Variants in COL12A1 observed in about 807,000 individuals in gnomAD.
COL12A1 encodes the protein collagen type XII alpha 1 chain, also known as collagen alpha-1(XII) chain.
Under a neutral mutation model 349.7 loss-of-function variants are expected in COL12A1, and 114 were observed. The ratio of observed to expected loss-of-function variants is 0.33; its 90% CI spans 0.28 to 0.38. COL12A1 has a LOEUF of 0.38. COL12A1 is among the 10% of genes least tolerant of loss of function. The pLI is 1.00. For missense variants in COL12A1, 3,284 were observed against 3,756.9 expected (o/e 0.87, Z 3.29); for synonymous variants, 1,369 against 1,329.0 (o/e 1.03, Z -0.66).
At chr6:75,086,854 T>C (rs554931955) in intron 65 of COL12A1, among the ~76,000 whole-genome samples, 2 of 152,054 alleles carry the variant, frequency 1.3e-5, no homozygotes, top group African/African-American at 2.4e-5. Context: ...GATATTCAAC[T>C]ACTCATGCAC....
chr6:75,088,532 GA>G (rs1172041101), intron 64 of COL12A1, among the ~76,000 whole-genome samples: 1 of 151,252 alleles, frequency 6.6e-6, no homozygotes, highest in African/African-American at 2.4e-5. Context: ...ACAGAAAGGG[GA>G]AATAGTAACC....
chr6:75,183,121 C>T lies in COL12A1; in HGVS notation c.1820G>A (p.Arg607Lys). 1.2e-6 allele frequency: 2 copies of T among 1,614,100 alleles called. No homozygotes were observed. The highest frequency in any genetic ancestry group is 1.7e-6 in the Non-Finnish European group (2 of 1,180,036). The change falls in exon 10 of 66, where the codon AGG (arginine) becomes AAG (lysine). Residue 607 changes from arginine (R) to lysine (K), a missense_variant. Arg to Lys is a conservative substitution (Grantham distance 26, BLOSUM62 2). Transcript: ENST00000322507. ...AGACTGTGTGAGTTCAAAAGATATC[C>T]TCTGAAAAGCATCAAAATCTTCCAC... ...FTVEDFDAFQ[R>K]ISFELTQSIC...
In COL12A1 at chr6:75,086,502, T is replaced by G; in HGVS notation, c.*45A>C. On this transcript the variant is annotated 3_prime_UTR_variant, in exon 66 of 66. Coordinates refer to ENST00000322507, the MANE Select transcript of COL12A1 (RefSeq NM_004370.6). ...CGCAAACATCTCAGAAACAGGATTT[T>G]CATGTATTCAAACTGTAAGCAGCAC... 1 of 1,581,404 alleles carries G rather than the reference T, an allele frequency of 6.3e-7. No individual in the cohort carries two copies. The highest frequency in any genetic ancestry group is 8.6e-7 in the Non-Finnish European group (1 of 1,157,876).
At chr6:75,112,938 T>C (rs1768907013) in intron 51 of COL12A1, 2 of 184,926 alleles carry the variant, frequency 1.1e-5, no homozygotes, top group Non-Finnish European at 2.2e-5. Context: ...AGCAGAAAAG[T>C]AGGTGGATAA....
chr6:75,120,134 A>G (rs576037031), intron 44 of COL12A1, among the ~76,000 whole-genome samples: 1 of 152,218 alleles, frequency 6.6e-6, no homozygotes, highest in Non-Finnish European at 1.5e-5. Context: ...AGATGTTAAT[A>G]AAATATGATC....
chr6:75,134,522 G>A (rs1766484968), intron 32 of COL12A1, among the ~76,000 whole-genome samples: 1 of 152,040 alleles, frequency 6.6e-6, no homozygotes, highest in Non-Finnish European at 1.5e-5. Flanking sequence ...AGTGAGCCAA[G>A]ATCGTGCCAC....
chr6:75,117,375 G>T lies in COL12A1; in HGVS notation c.7519+7C>A. 6.2e-7 allele frequency: 1 copy of T among 1,612,648 alleles called. No homozygotes were observed. Among genetic ancestry groups the T allele is most frequent in the South Asian group, 1.1e-5 (1 of 90,904 alleles). ...GAGGTTATAGATCCATGTTGACTGTGACTTACTTGAAGTGGCAGTTTCACA... is the reference window on the plus strand; with the variant it reads ...GAGGTTATAGATCCATGTTGACTGTTACTTACTTGAAGTGGCAGTTTCACA... On this transcript the variant is annotated splice_region_variant and intron_variant, in intron 47 of 65. Coordinates refer to ENST00000322507, the MANE Select transcript of COL12A1 (RefSeq NM_004370.6).
rs377155990 is a variant in COL12A1 at position 75,115,957 on chromosome 6, C to T, written c.7559-35G>A. ...AGAAAAGAAAATATTAAACGGAGTA[C>T]ATTTTAATTATTTTATTGCTTAAAT... is the stretch of plus-strand genomic sequence containing the variant. On this transcript the variant is annotated intron_variant, in intron 48 of 65. Coordinates refer to ENST00000322507, the MANE Select transcript of COL12A1 (RefSeq NM_004370.6). The T allele has an allele frequency of 1.1e-5, 18 of 1,612,082 alleles. No homozygotes were observed. In the African/African-American group the frequency reaches 1.2e-4, roughly 11 times the overall value.
At chr6:75,205,386 C>G (rs951299020) in intron 1 of COL12A1, among the ~76,000 whole-genome samples, 1 of 151,682 alleles carries the variant, frequency 6.6e-6, no homozygotes, top group Admixed American at 6.6e-5. Flanking sequence ...CCAGCGCCCC[C>G]GCCGCACGCC....
At chr6:75,193,753 T>C (rs1462099771) in intron 3 of COL12A1, among the ~76,000 whole-genome samples, 1 of 132,664 alleles carries the variant, frequency 7.5e-6, no homozygotes, top group Non-Finnish European at 1.6e-5. Flanking sequence ...CAGGCCCCAG[T>C]GTGTGATGTT....
intron 8 of COL12A1, among the ~76,000 whole-genome samples, chr6:75,187,170 A>C (rs1483270501): frequency 6.7e-6 from 1 of 148,948 alleles, no homozygotes; most frequent in East Asian, 1.9e-4. Context: ...ATATATATAT[A>C]TATATATTTA....
intron 3 of COL12A1, among the ~76,000 whole-genome samples, chr6:75,193,980 T>C (rs1174972312): frequency 1.3e-5 from 2 of 152,202 alleles, no homozygotes; most frequent in Admixed American, 6.5e-5. Flanking sequence ...CTATCATCGA[T>C]GGACATTTGG....
At chr6:75,097,585 ATCT>A (rs1330999007) in intron 58 of COL12A1, among the ~76,000 whole-genome samples, 1 of 152,232 alleles carries the variant, frequency 6.6e-6, no homozygotes, top group African/African-American at 2.4e-5. Context: ...AGCCAAACTA[ATCT>A]TCTCCCAGGA....
Position 75,165,655 on chromosome 6 carries a change from A to G in COL12A1, c.2835T>C (p.Asp945=), listed in dbSNP as rs777357134. The part of the protein sequence containing the change: ...YRVSWKSLYD[D]VDTGEKNLPE... ...GCAGATTTTTCTCTCCAGTGTCAAC[A>G]TCATCATAAAGTGATTTCCATGAGA... is the stretch of plus-strand genomic sequence containing the variant. The change falls in exon 14 of 66, where the codon GAT becomes GAC. Residue 945 remains aspartate (D), a synonymous_variant. Transcript: ENST00000322507. The G allele has an allele frequency of 5.5e-5, 88 of 1,613,924 alleles. No homozygotes were observed. The highest frequency in any genetic ancestry group is 7.3e-5 in the Non-Finnish European group (86 of 1,179,926).
chr6:75,178,497 C>T (rs947185055), intron 11 of COL12A1, among the ~76,000 whole-genome samples: 2 of 152,190 alleles, frequency 1.3e-5, no homozygotes, highest in Non-Finnish European at 2.9e-5. Context: ...TTAATGAATG[C>T]TCATTAGATC....
At chr6:75,132,639 A>G (rs750162464) in intron 34 of COL12A1, among the ~76,000 whole-genome samples, 2 of 152,212 alleles carry the variant, frequency 1.3e-5, no homozygotes, top group African/African-American at 2.4e-5. Flanking sequence ...AAAACCTACC[A>G]ATTAAATTGA....
Position 75,145,409 on chromosome 6 carries a change from A to C in COL12A1, c.4607T>G (p.Val1536Gly). 1 of 1,614,064 alleles carries C rather than the reference A, an allele frequency of 6.2e-7. No homozygotes were observed. The highest frequency in any genetic ancestry group is 1.6e-4 in the Middle Eastern group (1 of 6,062). The stretch of plus-strand genomic sequence containing the variant: ...TGTGACTGCATACTCCGTGTTGGGA[A>C]CAAGGTCAGTCAGCTGCATGTCATT... ...TVNDMQLTDL[V>G]PNTEYAVTVQ... is the part of the protein sequence containing the mutation. The change falls in exon 25 of 66, where the codon GTT becomes GGT. Residue 1536 changes from valine to glycine, a missense_variant. Coordinates refer to ENST00000322507, the MANE Select transcript of COL12A1 (RefSeq NM_004370.6).
intron 60 of COL12A1, among the ~76,000 whole-genome samples, chr6:75,094,698 GATAA>G (rs1279523643): frequency 3.3e-5 from 5 of 152,080 alleles, no homozygotes; most frequent in Non-Finnish European, 5.9e-5. Context: ...TGGAAAGCTG[GATAA>G]TGCCACAAAA....
intron 33 of COL12A1, 60 bp from the exon 34 acceptor site, chr6:75,133,482 T>C: frequency 6.6e-7 from 1 of 1,525,826 alleles, no homozygotes. Context: ...GAAATAATAA[T>C]TCAAATAACA....
Sources: allele counts gnomAD v4.1 joint callset (sites outside exome capture counted in the v4.1 genomes callset), GRCh38; gene constraint gnomAD v4.1.1; transcripts MANE v1.5; gene names NCBI Gene and HGNC (gene_info 2026-07-23, HGNC 2026-07-21).